Variants in OMA1 observed in about 807,000 individuals in gnomAD.
The protein encoded by OMA1 is metalloendopeptidase OMA1, mitochondrial.
A neutral mutation model predicts 30.9 loss-of-function variants in OMA1; 38 were observed. The ratio of observed to expected loss-of-function variants is 1.23; its 90% CI spans 0.95 to 1.61. OMA1 has a LOEUF of 1.61. OMA1 is among the 40% of genes most tolerant of loss of function. The pLI, the probability that OMA1 is intolerant of heterozygous loss-of-function variation, is 0.00. For synonymous variants in OMA1, 173 were observed against 121.9 expected, an observed-to-expected ratio of 1.42 and a Z score of -2.76; for missense variants, 461 against 349.2, an observed-to-expected ratio of 1.32 and a Z score of -2.55.
chr1:58,481,183 A>C lies in OMA1; in HGVS notation c.1366-9T>G, dbSNP rs150425165. The C allele has an allele frequency of 4.8e-3, 3,764 of 781,124 alleles. 18 individuals carry two copies. The highest frequency in any genetic ancestry group is 5.9e-3 in the Non-Finnish European group (2,721 of 460,308). 48.4% of individuals were successfully genotyped at this position (781,124 alleles called of 1,614,324 possible). On this transcript the variant is annotated splice_polypyrimidine_tract_variant and intron_variant, in intron 8 of 8. Transcript: ENST00000371226. ...TCTCTAATTTTGAGAGCCTATAAAG[A>C]AATAATAAAATAAAAAAATACTATA...
intron 7 of OMA1, among the ~76,000 whole-genome samples, chr1:58,517,984 C>T (rs951611084): frequency 6.6e-6 from 1 of 151,084 alleles, no homozygotes; most frequent in African/African-American, 2.4e-5. Flanking sequence ...GTTGGGAGTT[C>T]GAGACCAGCC....
intron 1 of OMA1, chr1:58,541,614 C>CAAAAAAAAAAAAAAAAAAAAAAAACAAA (rs1646617566): frequency 1.5e-5 from 1 of 65,622 alleles, no homozygotes; most frequent in African/African-American, 5.9e-5. Context: ...GAGAACCTGT[C>CAAAAAAAAAAAAAAAAAAAAAAAACAAA]AAAAAAAAAA....
intron 8 of OMA1, among the ~76,000 whole-genome samples, chr1:58,481,546 A>T (rs1645482616): frequency 6.6e-6 from 1 of 152,198 alleles, no homozygotes; most frequent in Admixed American, 6.5e-5. Context: ...TTTTCAAGAA[A>T]AACTGCAGAA....
At chr1:58,512,580 T>C (rs1046467354) in intron 7 of OMA1, among the ~76,000 whole-genome samples, 4 of 152,070 alleles carry the variant, frequency 2.6e-5, no homozygotes, top group Non-Finnish European at 5.9e-5. Flanking sequence ...AAAAAGGAAA[T>C]CCTGTCATAT....
chr1:58,518,594 A>C (rs1646210169), intron 7 of OMA1, among the ~76,000 whole-genome samples: 2 of 151,914 alleles, frequency 1.3e-5, no homozygotes. Flanking sequence ...ACTTGGTGAA[A>C]AAATTAAGAG....
chr1:58,492,591 C>T lies in OMA1; in HGVS notation c.1366-11417G>A, dbSNP rs369908395. On this transcript the variant is annotated intron_variant, in intron 8 of 8. Transcript: ENST00000371226. ...AAAAATGATAAAGGGGATATCACCA[C>T]CGATCCCACAGAAATACAAACTACC... is the stretch of plus-strand genomic sequence containing the variant. Among the ~76,000 whole-genome samples, 197 of 152,202 alleles carry T rather than the reference C, an allele frequency of 1.3e-3. 1 individual carries two copies. In the East Asian group the frequency reaches 0.034, roughly 26 times the overall value.
At chr1:58,499,695 A>C (rs1302954103) in intron 8 of OMA1, among the ~76,000 whole-genome samples, 1 of 152,290 alleles carries the variant, frequency 6.6e-6, no homozygotes, top group African/African-American at 2.4e-5. Flanking sequence ...TTAATATCTT[A>C]GTTGGTTTGA....
intron 7 of OMA1, among the ~76,000 whole-genome samples, chr1:58,522,822 T>C (rs906042829): frequency 2.6e-5 from 4 of 152,154 alleles, no homozygotes; most frequent in African/African-American, 9.7e-5. Context: ...AGAAAATATA[T>C]TTACTATTCA....
In OMA1 at chr1:58,495,023, C is replaced by T. The variant is rs533215605; in HGVS notation, c.1365+11037G>A. Among the ~76,000 whole-genome samples the T allele has an allele frequency of 2.1e-3, 312 of 152,194 alleles. 1 individual carries two copies. The highest frequency in any genetic ancestry group is 6.3e-3 in the African/African-American group (262 of 41,526). On this transcript the variant is annotated intron_variant, in intron 8 of 8. Transcript: ENST00000371226. ...AGCAAAGACTTGGAACCAACCCAAACGTCCAACAATGATAGACTGGATTAA... is the reference window on the plus strand; with the variant it reads ...AGCAAAGACTTGGAACCAACCCAAATGTCCAACAATGATAGACTGGATTAA...
At chr1:58,544,978 T>G (rs1646678016) in intron 1 of OMA1, among the ~76,000 whole-genome samples, 1 of 152,150 alleles carries the variant, frequency 6.6e-6, no homozygotes, top group Admixed American at 6.5e-5. Context: ...TGGGCTCAAC[T>G]GATCATACTG....
At chr1:58,498,159 A>T (rs1283592377) in intron 8 of OMA1, among the ~76,000 whole-genome samples, 1 of 152,120 alleles carries the variant, frequency 6.6e-6, no homozygotes, top group Non-Finnish European at 1.5e-5. Flanking sequence ...TGGGTGAAAA[A>T]TAGGGGCTCA....
intron 8 of OMA1, among the ~76,000 whole-genome samples, chr1:58,493,806 T>C (rs1645744070): frequency 1.3e-5 from 2 of 151,948 alleles, no homozygotes; most frequent in African/African-American, 4.8e-5. Context: ...TGCTCATGGG[T>C]AGGAAGAATC....
intron 7 of OMA1, among the ~76,000 whole-genome samples, chr1:58,525,730 G>A (rs1224671719): frequency 6.6e-6 from 1 of 152,102 alleles, no homozygotes; most frequent in African/African-American, 2.4e-5. Flanking sequence ...TTTCTAAAAT[G>A]TATATAGAAA....
rs1454105529 is a variant in OMA1, at chr1:58,533,796, C to T, written c.1011+157G>A. 6.7e-6 allele frequency: 4 copies of T among 596,636 alleles called. No homozygotes were observed. In the Admixed American group the frequency reaches 1.3e-4, roughly 19 times the overall value. The allele number at this position is 596,636 out of a possible 1,614,324, so 37.0% of individuals were successfully genotyped here. On this transcript the variant is annotated intron_variant, in intron 5 of 8. Coordinates refer to ENST00000371226, the MANE Select transcript of OMA1 (RefSeq NM_145243.5). ...GACCATAAAAATTCTCAAAATTAGC[C>T]AATCACGTTTTTTTCAGGTAGCAGA...
At chr1:58,514,370 T>C (rs1646127813) in intron 7 of OMA1, among the ~76,000 whole-genome samples, 6 of 152,152 alleles carry the variant, frequency 3.9e-5, no homozygotes, top group African/African-American at 2.4e-5. Flanking sequence ...TATGTATAAA[T>C]AGATCTAGAC....
At chr1:58,526,699 C>A (rs1646355448) in intron 7 of OMA1, among the ~76,000 whole-genome samples, 1 of 151,846 alleles carries the variant, frequency 6.6e-6, no homozygotes, top group Non-Finnish European at 1.5e-5. Context: ...TTTGCTTAGC[C>A]AAGATCATAG....
At chr1:58,510,232 CA>C (rs1397611200) in intron 7 of OMA1, among the ~76,000 whole-genome samples, 1 of 151,896 alleles carries the variant, frequency 6.6e-6, no homozygotes, top group African/African-American at 2.4e-5. Context: ...AAATTCTTAA[CA>C]AAATACTAGC....
intron 5 of OMA1, among the ~76,000 whole-genome samples, chr1:58,532,591 G>A (rs1376194541): frequency 1.3e-5 from 2 of 152,094 alleles, no homozygotes; most frequent in Non-Finnish European, 2.9e-5. Flanking sequence ...GCAGTGGTGC[G>A]ATCATGGCTC....
In OMA1 at chr1:58,538,945, G is replaced by A. The variant is rs17117720; in HGVS notation, c.350C>T (p.Pro117Leu). Residue 117 changes from proline to leucine, a missense_variant, in exon 2 of 9, where the codon CCT becomes CTT. Physicochemically the swap from Pro to Leu is moderately conservative, Grantham distance 98. Coordinates refer to ENST00000371226, the MANE Select transcript of OMA1 (RefSeq NM_145243.5). ...TAGAGGATGCAATACTGACAGACTA[G>A]GGACTGCTGTAACTTCTTTTATTAG... is the stretch of plus-strand genomic sequence containing the variant. ...QLLIKEVTAV[P>L]SLSVLHPLSP... 19,201 of 872,834 alleles carry A rather than the reference G, an allele frequency of 0.022. 563 individuals carry two copies. The highest frequency in any genetic ancestry group is 0.12 in the East Asian group (5,025 of 41,692). 54.1% of individuals were successfully genotyped at this position (872,834 alleles called of 1,614,324 possible). A position where few individuals can be genotyped will look rare whatever the true frequency, so the allele number is the denominator to read the frequency against.
Sources: allele counts gnomAD v4.1 joint callset (sites outside exome capture counted in the v4.1 genomes callset), GRCh38; gene constraint gnomAD v4.1.1; transcripts MANE v1.5; gene names NCBI Gene and HGNC (gene_info 2026-07-23, HGNC 2026-07-21).